FAM184B: variants seen among roughly 807,000 people sequenced by gnomAD.
The protein encoded by FAM184B is family with sequence similarity 184 member B.
FAM184B carries 111 observed loss-of-function variants against 135.9 expected under a neutral mutation model. The observed-to-expected ratio is 0.82, with a 90% confidence interval of 0.70 to 0.96. The LOEUF (loss-of-function observed/expected upper bound fraction) is 0.96, where lower values mean the gene tolerates loss of function less well. FAM184B is among the 40% of genes least tolerant of loss of function. FAM184B has a pLI of 0.00. For synonymous variants in FAM184B, 552 were observed against 524.8 expected (o/e 1.05, Z -0.71); for missense variants, 1,375 against 1,323.9 (o/e 1.04, Z -0.60).
chr4:17,650,151 A>C (rs1715576283), intron 11 of FAM184B, among the ~76,000 whole-genome samples: 2 of 141,240 alleles, frequency 1.4e-5, no homozygotes, highest in South Asian at 2.3e-4. Flanking sequence ...TGTCCACCCA[A>C]CTACCCATCC....
At chr4:17,721,582 G>A (rs776329377) in intron 1 of FAM184B, among the ~76,000 whole-genome samples, 28 of 152,100 alleles carry the variant, frequency 1.8e-4, no homozygotes, top group African/African-American at 4.3e-4. Flanking sequence ...TGCAAGGGGC[G>A]TCCTCCGGGG....
chr4:17,668,494 C>A (rs78657265), intron 7 of FAM184B, among the ~76,000 whole-genome samples: 2 of 152,108 alleles, frequency 1.3e-5, no homozygotes, highest in African/African-American at 4.8e-5. Context: ...GTTCCCATAG[C>A]AATTTTTTTG....
chr4:17,755,423 G>T (rs1437048571), intron 1 of FAM184B, among the ~76,000 whole-genome samples: 1 of 152,174 alleles, frequency 6.6e-6, no homozygotes, highest in Non-Finnish European at 1.5e-5. Flanking sequence ...TGCTGGTGAG[G>T]TTGTGGAGAA....
chr4:17,653,994 C>T (rs1348055638), intron 10 of FAM184B, among the ~76,000 whole-genome samples: 1 of 86,762 alleles, frequency 1.2e-5, no homozygotes. Context: ...AGCCACGGAA[C>T]TCAGGCGGCC....
Position 17,629,917 on chromosome 4 carries a change from T to G in FAM184B, c.*2615A>C, listed in dbSNP as rs1714874762. The stretch of plus-strand genomic sequence containing the variant: ...AACAAACAAAAAGCTTAAGTTTGTG[T>G]CCTTAAATGCCTTACTTCAATACCC... On this transcript the variant is annotated 3_prime_UTR_variant, in exon 18 of 18. Transcript: ENST00000265018. 1 of 152,220 alleles carries G rather than the reference T, an allele frequency of 6.6e-6. No individual in the cohort carries two copies. Among genetic ancestry groups the G allele is most frequent in the Admixed American group, 6.5e-5 (1 of 15,280 alleles). The allele number at this position is 152,220 out of a possible 1,614,324, so 9.4% of individuals were successfully genotyped here.
intron 6 of FAM184B, among the ~76,000 whole-genome samples, chr4:17,693,093 C>G (rs1716772456): frequency 6.6e-6 from 1 of 152,010 alleles, no homozygotes; most frequent in Non-Finnish European, 1.5e-5. Flanking sequence ...CTGTGTCCTT[C>G]TCTTATTTGA....
rs1292780274 is a variant in FAM184B at position 17,746,813 on chromosome 4, G to A, written c.141+34346C>T. Among the ~76,000 whole-genome samples the A allele has an allele frequency of 7.2e-5, 11 of 151,780 alleles. No individual in the cohort carries two copies. In the East Asian group the frequency reaches 7.8e-4, roughly 11 times the overall value. On this transcript the variant is annotated intron_variant, in intron 1 of 17. Coordinates refer to ENST00000265018, the MANE Select transcript of FAM184B (RefSeq NM_015688.2). ...AGCACTTTGGGAGGCTGAGGCGGGCGGATCACCTGAGGTCAGGAGTTCGAG... is the reference window on the plus strand; with the variant it reads ...AGCACTTTGGGAGGCTGAGGCGGGCAGATCACCTGAGGTCAGGAGTTCGAG...
At position 17,720,701 on chromosome 4, in the gene FAM184B, C is replaced by T. The variant is rs181404335; in HGVS notation, c.142-11057G>A. 1.1e-3 allele frequency among the ~76,000 whole-genome samples: 160 copies of T among 151,826 alleles called. No individual in the cohort carries two copies. In the East Asian group the frequency reaches 0.013, roughly 12 times the overall value. ...AGGAGTTCAAGACCATCCTGGCCAACATGGTGAAACCCCGTCTCTACTAAA... is the reference window on the plus strand; with the variant it reads ...AGGAGTTCAAGACCATCCTGGCCAATATGGTGAAACCCCGTCTCTACTAAA... On this transcript the variant is annotated intron_variant, in intron 1 of 17. Transcript: ENST00000265018.
Position 17,632,408 on chromosome 4 carries a change from T to G in FAM184B, c.*124A>C. ...TGAAGTGTTAACGCCAAAATTTGTT[T>G]TAGCTATCATATATAAATCATAAGC... On this transcript the variant is annotated 3_prime_UTR_variant, in exon 18 of 18. Transcript: ENST00000265018. 1 of 807,724 alleles carries G rather than the reference T, an allele frequency of 1.2e-6. No homozygotes were observed. The highest frequency in any genetic ancestry group is 1.9e-6 in the Non-Finnish European group (1 of 524,704). The allele number at this position is 807,724 out of a possible 1,614,324, so 50.0% of individuals were successfully genotyped here.
intron 13 of FAM184B, among the ~76,000 whole-genome samples, chr4:17,640,137 C>A (rs1022715745): frequency 1.3e-5 from 2 of 151,450 alleles, no homozygotes; most frequent in Admixed American, 1.3e-4. Flanking sequence ...TGGCCACTCC[C>A]TGAATCTTTA....
intron 1 of FAM184B, among the ~76,000 whole-genome samples, chr4:17,764,580 C>A (rs1232027897): frequency 6.6e-6 from 1 of 152,184 alleles, no homozygotes; most frequent in Non-Finnish European, 1.5e-5. Context: ...ATGTAAAAAA[C>A]ATAAGACAAA....
At chr4:17,651,486 T>C (rs1419648073) in intron 11 of FAM184B, among the ~76,000 whole-genome samples, 6 of 123,408 alleles carry the variant, frequency 4.9e-5, no homozygotes, top group Middle Eastern at 9.1e-3. Context: ...TGCAGTGAGC[T>C]GAGATCATGC....
At chr4:17,739,269 C>T (rs540814898) in intron 1 of FAM184B, among the ~76,000 whole-genome samples, 6 of 152,242 alleles carry the variant, frequency 3.9e-5, no homozygotes, top group East Asian at 3.9e-4. Context: ...GCCACCATGG[C>T]GGATCCCCTT....
intron 1 of FAM184B, among the ~76,000 whole-genome samples, chr4:17,714,432 T>C (rs1577273289): frequency 6.6e-6 from 1 of 152,098 alleles, no homozygotes; most frequent in African/African-American, 2.4e-5. Flanking sequence ...AAGGCAGAGT[T>C]CAAGATGGAA....
At chr4:17,744,903 C>A (rs931527785) in intron 1 of FAM184B, among the ~76,000 whole-genome samples, 1 of 152,126 alleles carries the variant, frequency 6.6e-6, no homozygotes, top group Non-Finnish European at 1.5e-5. Flanking sequence ...TGAGAGGCAG[C>A]TGGAAGAGGT....
At chr4:17,717,674 G>T (rs1717426748) in intron 1 of FAM184B, among the ~76,000 whole-genome samples, 1 of 152,088 alleles carries the variant, frequency 6.6e-6, no homozygotes, top group African/African-American at 2.4e-5. Context: ...GGCCTGTTAG[G>T]GTCGTAGAGA....
chr4:17,710,304 A>G (rs1381956623), intron 1 of FAM184B, among the ~76,000 whole-genome samples: 1 of 149,692 alleles, frequency 6.7e-6, no homozygotes, highest in Non-Finnish European at 1.5e-5. Context: ...AGCCTGGGCA[A>G]AAAAGAGTGA....
At chr4:17,720,066 A>G (rs1002167691) in intron 1 of FAM184B, among the ~76,000 whole-genome samples, 1 of 152,202 alleles carries the variant, frequency 6.6e-6, no homozygotes, top group African/African-American at 2.4e-5. Flanking sequence ...GGAATGCCCC[A>G]GAGTGTTAGC....
chr4:17,765,436 A>G (rs750023815), intron 1 of FAM184B, among the ~76,000 whole-genome samples: 5 of 152,178 alleles, frequency 3.3e-5, no homozygotes, highest in Non-Finnish European at 4.4e-5. Flanking sequence ...ATTATAATAT[A>G]TAATGACAAA....
Sources: gnomAD v4.1 joint callset for allele counts (sites outside exome capture counted in the v4.1 genomes callset) on GRCh38, gnomAD v4.1.1 for gene constraint, MANE v1.5 for transcripts, NCBI Gene and HGNC (gene_info 2026-07-23, HGNC 2026-07-21) for gene names.